Variants in LRP1B observed in about 807,000 individuals in gnomAD.
The protein encoded by LRP1B is low-density lipoprotein receptor-related protein 1B.
Under a neutral mutation model 556.6 loss-of-function variants are expected in LRP1B, and 217 were observed. That is an observed-to-expected ratio of 0.39 (90% confidence interval 0.35 to 0.44). The LOEUF is 0.44. LRP1B is among the 20% of genes least tolerant of loss of function. The probability of loss-of-function intolerance (pLI) is 1.00; values close to 1 mark genes in which losing one functional copy is unlikely to be tolerated. For missense variants in LRP1B, 5,053 were observed against 5,620.8 expected (o/e 0.90, Z 3.23); for synonymous variants, 2,047 against 1,865.8 (o/e 1.10, Z -2.50).
rs1680626988 is a variant in LRP1B, at chr2:140,328,668, CTTGAT to C, written c.12224-2795_12224-2791del. ...ACCACCAAGTGTGAATTACCATATT[CTTGAT>C]TTAAGAGGTGATAAAGGAGCCAAAA... On this transcript the variant is annotated intron_variant, in intron 79 of 90. Coordinates refer to ENST00000389484, the MANE Select transcript of LRP1B (RefSeq NM_018557.3). 2.6e-5 allele frequency among the ~76,000 whole-genome samples: 4 copies of C among 151,972 alleles called. No individual in the cohort carries two copies. In the South Asian group the frequency reaches 8.3e-4, roughly 32 times the overall value.
At chr2:141,887,847 T>G (rs1699172990) in intron 1 of LRP1B, among the ~76,000 whole-genome samples, 1 of 152,216 alleles carries the variant, frequency 6.6e-6, no homozygotes, top group African/African-American at 2.4e-5. Context: ...GATTGTTCTT[T>G]CATGAGCACA....
chr2:141,357,544 G>A (rs1326863999), intron 3 of LRP1B, among the ~76,000 whole-genome samples: 1 of 152,122 alleles, frequency 6.6e-6, no homozygotes, highest in East Asian at 1.9e-4. Flanking sequence ...TTATAATTAT[G>A]ATATCAAGAA....
chr2:141,286,952 G>T (rs1685746451), intron 3 of LRP1B, among the ~76,000 whole-genome samples: 1 of 152,156 alleles, frequency 6.6e-6, no homozygotes, highest in African/African-American at 2.4e-5. Context: ...CTAAGAAACT[G>T]AATTTTGTTT....
At chr2:141,079,231 G>A (rs1001354222) in intron 7 of LRP1B, among the ~76,000 whole-genome samples, 14 of 152,128 alleles carry the variant, frequency 9.2e-5, no homozygotes, top group African/African-American at 3.4e-4. Flanking sequence ...TAGAAGGTAA[G>A]AGCTCCGGGA....
At chr2:141,995,425 C>T (rs1022698101) in intron 1 of LRP1B, among the ~76,000 whole-genome samples, 2 of 152,078 alleles carry the variant, frequency 1.3e-5, no homozygotes, top group African/African-American at 2.4e-5. Flanking sequence ...CTGACTCTTC[C>T]GCCTCCCTCT....
intron 63 of LRP1B, among the ~76,000 whole-genome samples, chr2:140,445,343 C>T (rs559016841): frequency 8.5e-5 from 13 of 152,096 alleles, no homozygotes; most frequent in Admixed American, 2.0e-4. Context: ...TCTCGAACTC[C>T]GGACCTCAGC....
chr2:141,821,289 A>T (rs916697073), intron 1 of LRP1B, among the ~76,000 whole-genome samples: 2 of 152,224 alleles, frequency 1.3e-5, no homozygotes, highest in African/African-American at 2.4e-5. Flanking sequence ...TCCCAGTTTC[A>T]TGTCACAGCC....
chr2:140,639,161 G>A (rs1684183150), intron 41 of LRP1B, among the ~76,000 whole-genome samples: 2 of 152,052 alleles, frequency 1.3e-5, no homozygotes, highest in Non-Finnish European at 2.9e-5. Context: ...AGTCACAACA[G>A]AGTTTCTAGC....
Position 141,799,138 on chromosome 2 carries a change from G to A in LRP1B, c.205+11141C>T, listed in dbSNP as rs77852614. Among the ~76,000 whole-genome samples the A allele has an allele frequency of 1.2e-3, 187 of 152,170 alleles. 1 individual carries two copies. In the East Asian group the frequency reaches 0.025, roughly 20 times the overall value. The stretch of plus-strand genomic sequence containing the variant: ...GTGGTGTTTTTTTAAGGCAGCCCGC[G>A]CAGACGAATACGCTATGTTAGTTGG... On this transcript the variant is annotated intron_variant, in intron 2 of 90. Coordinates refer to ENST00000389484, the MANE Select transcript of LRP1B (RefSeq NM_018557.3).
intron 32 of LRP1B, among the ~76,000 whole-genome samples, chr2:140,786,682 T>C (rs972160324): frequency 6.6e-6 from 1 of 152,168 alleles, no homozygotes; most frequent in African/African-American, 2.4e-5. Flanking sequence ...AGCCCAGAAT[T>C]TGCTTTCAAG....
intron 41 of LRP1B, among the ~76,000 whole-genome samples, chr2:140,632,608 G>T (rs1210091913): frequency 6.6e-6 from 1 of 152,108 alleles, no homozygotes; most frequent in Non-Finnish European, 1.5e-5. Context: ...AGAAAAAAGT[G>T]CTACAAATGT....
chr2:140,965,686 C>T (rs530029780), intron 18 of LRP1B, among the ~76,000 whole-genome samples: 4 of 152,228 alleles, frequency 2.6e-5, no homozygotes, highest in Admixed American at 2.6e-4. Flanking sequence ...GGTATATCTC[C>T]TAATGCTTTC....
chr2:141,309,811 C>T (rs1686742253), intron 3 of LRP1B, among the ~76,000 whole-genome samples: 2 of 151,890 alleles, frequency 1.3e-5, no homozygotes, highest in Non-Finnish European at 2.9e-5. Flanking sequence ...CCTGCACGTT[C>T]TGCACATGGA....
chr2:141,595,870 C>T (rs62166490), intron 2 of LRP1B, among the ~76,000 whole-genome samples: 6,792 of 151,952 alleles, frequency 0.045, 208 homozygotes, highest in Non-Finnish European at 0.067. Context: ...TTTAACTAGT[C>T]GCTGAAAGTT....
chr2:141,822,816 A>G (rs1696799271), intron 1 of LRP1B, among the ~76,000 whole-genome samples: 1 of 152,190 alleles, frequency 6.6e-6, no homozygotes, highest in South Asian at 2.1e-4. Flanking sequence ...GATGAAGACA[A>G]CAGGGGTCTC....
intron 41 of LRP1B, among the ~76,000 whole-genome samples, chr2:140,635,952 C>A (rs576673255): frequency 6.6e-6 from 1 of 152,166 alleles, no homozygotes; most frequent in South Asian, 2.1e-4. Flanking sequence ...TAGTAATCTA[C>A]GCTATCTTTC....
At chr2:140,382,114 C>T (rs1016828617) in intron 67 of LRP1B, among the ~76,000 whole-genome samples, 1 of 152,040 alleles carries the variant, frequency 6.6e-6, no homozygotes. Context: ...CTTAAAAACT[C>T]TTAGTGATAA....
intron 6 of LRP1B, among the ~76,000 whole-genome samples, chr2:141,207,865 G>A (rs1682353256): frequency 6.6e-6 from 1 of 152,116 alleles, no homozygotes; most frequent in Non-Finnish European, 1.5e-5. Context: ...TAGTAAAGAT[G>A]GGGTTTTACC....
At chr2:140,766,959 C>A (rs573964994) in intron 35 of LRP1B, among the ~76,000 whole-genome samples, 1 of 150,882 alleles carries the variant, frequency 6.6e-6, no homozygotes, top group East Asian at 2.0e-4. Flanking sequence ...ATATATCAGG[C>A]ACTTTATTAA....
Sources: allele counts gnomAD v4.1 joint callset (sites outside exome capture counted in the v4.1 genomes callset), GRCh38; gene constraint gnomAD v4.1.1; transcripts MANE v1.5; gene names NCBI Gene and HGNC (gene_info 2026-07-23, HGNC 2026-07-21).